Variants in GOLGA4 observed in about 807,000 individuals in gnomAD.
GOLGA4 encodes the protein golgin A4.
A neutral mutation model predicts 265.9 loss-of-function variants in GOLGA4; 169 were observed. The ratio of observed to expected loss-of-function variants is 0.64; its 90% CI spans 0.56 to 0.72. GOLGA4 has a LOEUF of 0.72. GOLGA4 is among the 30% of genes least tolerant of loss of function. The probability of loss-of-function intolerance (pLI) is 0.00; values close to 1 mark genes in which losing one functional copy is unlikely to be tolerated. For missense variants in GOLGA4, 2,482 were observed against 2,483.4 expected (o/e 1.00, Z 0.01); for synonymous variants, 923 against 855.8 (o/e 1.08, Z -1.37).
intron 2 of GOLGA4, among the ~76,000 whole-genome samples, chr3:37,271,678 T>G (rs2096799113): frequency 6.6e-6 from 1 of 152,152 alleles, no homozygotes; most frequent in African/African-American, 2.4e-5. Flanking sequence ...CCATTGGATA[T>G]TTGAAGCAAA....
At chr3:37,297,358 A>G (rs2096881241) in intron 7 of GOLGA4, among the ~76,000 whole-genome samples, 1 of 152,182 alleles carries the variant, frequency 6.6e-6, no homozygotes, top group Admixed American at 6.5e-5. Flanking sequence ...ACATGTGGAA[A>G]CTTCAGACTC....
chr3:37,346,291 C>G (rs969121206), intron 20 of GOLGA4, among the ~76,000 whole-genome samples: 28 of 152,086 alleles, frequency 1.8e-4, no homozygotes, highest in Non-Finnish European at 3.7e-4. Context: ...TTGTGCTGCT[C>G]TGTAGTCCTT....
chr3:37,361,219 C>CT (rs762874038), intron 22 of GOLGA4, 24 bp from the exon 23 acceptor site: 3 of 1,588,814 alleles, frequency 1.9e-6, no homozygotes, highest in Non-Finnish European at 2.6e-6. Context: ...ACCCAATAAG[C>CT]TTTTTTTCTT....
chr3:37,297,701 T>G (rs2096882167), intron 7 of GOLGA4, among the ~76,000 whole-genome samples: 1 of 152,124 alleles, frequency 6.6e-6, no homozygotes, highest in African/African-American at 2.4e-5. Flanking sequence ...TGTCCCTTCT[T>G]CATCTAAGAG....
chr3:37,294,301 A>C (rs2096872560), intron 5 of GOLGA4, among the ~76,000 whole-genome samples: 1 of 152,132 alleles, frequency 6.6e-6, no homozygotes, highest in Non-Finnish European at 1.5e-5. Context: ...TGTTTGGTAT[A>C]TAATAATTTG....
At position 37,319,211 on chromosome 3, in the gene GOLGA4, T is replaced by C. The variant is rs767067228; in HGVS notation, c.1545+17T>C. ...GTAGCTCTTGTAAGTGACTATTTTT[T>C]TTTTTCTGCTATAGGTATACTTCTC... On this transcript the variant is annotated intron_variant, in intron 12 of 23. Transcript: ENST00000361924. The C allele has an allele frequency of 3.8e-6, 6 of 1,584,952 alleles. No homozygotes were observed. The African/African-American group carries it at 6.8e-5, about 18-fold the overall frequency.
rs761497986 is a variant in GOLGA4, at chr3:37,286,014, C to T, written c.478C>T (p.Leu160Phe). The change falls in exon 4 of 24, where the codon CTT becomes TTT. Residue 160 changes from leucine (L) to phenylalanine (F), a missense_variant and splice_region_variant. Coordinates refer to ENST00000361924, the MANE Select transcript of GOLGA4 (RefSeq NM_002078.5). ...LSSYRGKYSE[L>F]VTAYQMLQRE... ...AATGTTGTTGATGACTATATTTTAG[C>T]TTGTTACAGCTTATCAGATGCTTCA... 2 of 1,551,628 alleles carry T rather than the reference C, an allele frequency of 1.3e-6. No homozygotes were observed. The highest frequency in any genetic ancestry group is 2.2e-5 in the East Asian group (1 of 44,446).
chr3:37,328,366 C>T, intron 14 of GOLGA4, 50 bp from the exon 15 acceptor site: 4 of 1,585,556 alleles, frequency 2.5e-6, no homozygotes, highest in Non-Finnish European at 3.4e-6. Flanking sequence ...TAGCTCCTTG[C>T]AGCTTGTTCT....
Position 37,361,282 on chromosome 3 carries a change from C to G in GOLGA4, c.*10C>G. On this transcript the variant is annotated 3_prime_UTR_variant, in exon 23 of 24. Transcript: ENST00000361924. ...CAGTGGTATCTTCTGAGTAAACCAT[C>G]AGTCTGTGCTTAGTTAACATGTGGT... is the stretch of plus-strand genomic sequence containing the variant. 2 of 1,612,684 alleles carry G rather than the reference C, an allele frequency of 1.2e-6. No individual in the cohort carries two copies. The highest frequency in any genetic ancestry group is 8.5e-7 in the Non-Finnish European group (1 of 1,178,852).
intron 10 of GOLGA4, among the ~76,000 whole-genome samples, chr3:37,308,536 A>G (rs1323978315): frequency 1.3e-5 from 2 of 151,510 alleles, no homozygotes; most frequent in East Asian, 3.9e-4. Flanking sequence ...CACTCTTAAA[A>G]CTTATTGGTG....
intron 2 of GOLGA4, among the ~76,000 whole-genome samples, chr3:37,267,096 A>G (rs1372477842): frequency 6.6e-6 from 1 of 152,200 alleles, no homozygotes; most frequent in South Asian, 2.1e-4. Flanking sequence ...CAGAGAGTAA[A>G]TTGCTGAATT....
Position 37,337,149 on chromosome 3 carries a change from AT to A in GOLGA4, c.6315del (p.Met2106TrpfsTer7). ...EENPGNDNVT[I>X]MELQTQLAQK... ...TTTCTTTCCATTTTTTCAGGTAACA[AT>A]TATGGAGCTACAGGTAAGGCTAGTT... On this transcript the variant is annotated frameshift_variant, in exon 18 of 24. Coordinates refer to ENST00000361924, the MANE Select transcript of GOLGA4 (RefSeq NM_002078.5). LOFTEE classifies it high-confidence loss of function. 1 of 1,440,330 alleles carries A rather than the reference AT, an allele frequency of 6.9e-7. No individual in the cohort carries two copies. Among genetic ancestry groups the A allele is most frequent in the Non-Finnish European group, 9.6e-7 (1 of 1,039,138 alleles). 89.2% of individuals were successfully genotyped at this position (1,440,330 alleles called of 1,614,324 possible).
At chr3:37,366,016 C>A in intron 23 of GOLGA4, 64 bp from the exon 24 acceptor site, 1 of 1,365,076 alleles carries the variant, frequency 7.3e-7, no homozygotes, top group Non-Finnish European at 9.9e-7. Context: ...CCCAAAAAGT[C>A]AACCTAAATG....
intron 20 of GOLGA4, among the ~76,000 whole-genome samples, chr3:37,346,960 G>C (rs1254446646): frequency 1.3e-5 from 2 of 152,152 alleles, no homozygotes; most frequent in Non-Finnish European, 2.9e-5. Context: ...GAAAGAGGAG[G>C]AAGGAAAAAG....
chr3:37,257,546 GCTAA>G (rs1448755112), intron 2 of GOLGA4, among the ~76,000 whole-genome samples: 1 of 152,020 alleles, frequency 6.6e-6, no homozygotes, highest in Non-Finnish European at 1.5e-5. Flanking sequence ...CGTAGTAGGT[GCTAA>G]CTAAGTTATT....
At chr3:37,248,963 T>A (rs944008649) in intron 1 of GOLGA4, among the ~76,000 whole-genome samples, 5 of 152,222 alleles carry the variant, frequency 3.3e-5, no homozygotes, top group Non-Finnish European at 7.3e-5. Flanking sequence ...GAGAGTTGAT[T>A]AGTCAAGAGG....
Position 37,366,398 on chromosome 3 carries a change from C to A in GOLGA4, c.*352C>A, listed in dbSNP as rs1696752081. On this transcript the variant is annotated 3_prime_UTR_variant, in exon 24 of 24. Coordinates refer to ENST00000361924, the MANE Select transcript of GOLGA4 (RefSeq NM_002078.5). ...TTCATCCATTCTTTTTAAAGAACGG[C>A]TTACCTTTCCTATTTATTTTTAGGG... 3.1e-6 allele frequency: 1 copy of A among 327,390 alleles called. No individual in the cohort carries two copies. The highest frequency in any genetic ancestry group is 5.5e-6 in the Non-Finnish European group (1 of 182,252). 20.3% of individuals were successfully genotyped at this position (327,390 alleles called of 1,614,324 possible).
chr3:37,265,997 G>A (rs1283240625), intron 2 of GOLGA4, among the ~76,000 whole-genome samples: 1 of 144,426 alleles, frequency 6.9e-6, no homozygotes, highest in African/African-American at 2.6e-5. Context: ...CTGTGCTCCA[G>A]CCTGGGTGAT....
chr3:37,340,109 A>G lies in GOLGA4; in HGVS notation c.6397-15A>G. 9.8e-7 allele frequency: 1 copy of G among 1,021,446 alleles called. No homozygotes were observed. The highest frequency in any genetic ancestry group is 2.0e-5 in the Admixed American group (1 of 50,640). 63.3% of individuals were successfully genotyped at this position (1,021,446 alleles called of 1,614,324 possible). A position where few individuals can be genotyped will look rare whatever the true frequency, so the allele number is the denominator to read the frequency against. On this transcript the variant is annotated splice_polypyrimidine_tract_variant and intron_variant, in intron 19 of 23. Coordinates refer to ENST00000361924, the MANE Select transcript of GOLGA4 (RefSeq NM_002078.5). ...CCTGTGAATCTTATATGGTCTGATT[A>G]TTTGTTATTTTTAGATTCACAATTT... is the stretch of plus-strand genomic sequence containing the variant.
Sources: allele counts gnomAD v4.1 joint callset (sites outside exome capture counted in the v4.1 genomes callset), GRCh38; gene constraint gnomAD v4.1.1; transcripts MANE v1.5; gene names NCBI Gene and HGNC (gene_info 2026-07-23, HGNC 2026-07-21).